Variants in ITIH5 observed in about 807,000 individuals in gnomAD.
The protein encoded by ITIH5 is inter-alpha-trypsin inhibitor heavy chain 5, also known as inter-alpha-trypsin inhibitor heavy chain H5.
ITIH5 carries 65 observed loss-of-function variants against 77.5 expected under a neutral mutation model. That is an observed-to-expected ratio of 0.84 (90% confidence interval 0.69 to 1.03). The LOEUF is 1.03. ITIH5 is among the 50% of genes least tolerant of loss of function. ITIH5 has a pLI of 0.00. For missense variants in ITIH5, 1,208 were observed against 1,213.1 expected, an observed-to-expected ratio of 1.00 and a Z score of 0.06; for synonymous variants, 525 against 494.3, an observed-to-expected ratio of 1.06 and a Z score of -0.82.
intron 8 of ITIH5, 34 bp downstream of exon 8, chr10:7,585,867 C>G (rs755367388): frequency 1.3e-6 from 2 of 1,522,912 alleles, no homozygotes; most frequent in East Asian, 2.3e-5. Context: ...TATTTCAAAG[C>G]CAAGCCAATG....
intron 2 of ITIH5, among the ~76,000 whole-genome samples, chr10:7,648,784 T>C (rs1834046185): frequency 6.6e-6 from 1 of 152,184 alleles, no homozygotes; most frequent in African/African-American, 2.4e-5. Context: ...AGAAGATACC[T>C]GACAATATTA....
At chr10:7,646,031 T>G in intron 2 of ITIH5, among the ~76,000 whole-genome samples, 1 of 152,218 alleles carries the variant, frequency 6.6e-6, no homozygotes, top group East Asian at 1.9e-4. Context: ...CTGGAACAGG[T>G]TTTCTTTCTA....
chr10:7,563,784 G>A (rs1832086848), intron 13 of ITIH5, among the ~76,000 whole-genome samples: 1 of 152,228 alleles, frequency 6.6e-6, no homozygotes, highest in Non-Finnish European at 1.5e-5. Context: ...TGCCGGGTGG[G>A]GGTGGAAAGC....
In ITIH5 at chr10:7,640,863, A is replaced by T. The variant is rs777449464; in HGVS notation, c.300-8T>A. Reference sequence around the variant, plus strand: ...ACCTTGTCTCCAATAAGCCTGAAATACAAGAGACAGTTGTGCTACCAGCTT... The same window carrying T: ...ACCTTGTCTCCAATAAGCCTGAAATTCAAGAGACAGTTGTGCTACCAGCTT... On this transcript the variant is annotated splice_region_variant and splice_polypyrimidine_tract_variant and intron_variant, in intron 3 of 13. Coordinates refer to ENST00000397146, the MANE Select transcript of ITIH5 (RefSeq NM_030569.7). 6.3e-7 allele frequency: 1 copy of T among 1,585,420 alleles called. No individual in the cohort carries two copies. The highest frequency in any genetic ancestry group is 1.7e-5 in the Admixed American group (1 of 59,914).
intron 2 of ITIH5, among the ~76,000 whole-genome samples, chr10:7,644,051 G>A (rs1406081107): frequency 2.6e-5 from 4 of 152,082 alleles, no homozygotes; most frequent in Non-Finnish European, 4.4e-5. Context: ...GACCAGTCTG[G>A]CCAACATGGT....
rs1361895193 is a variant in ITIH5 at position 7,573,514 on chromosome 10, T to A, written c.1979-319A>T. Among the ~76,000 whole-genome samples, 12 of 147,404 alleles carry A rather than the reference T, an allele frequency of 8.1e-5. 1 individual carries two copies. Among genetic ancestry groups the A allele is most frequent in the Admixed American group, 3.4e-4 (5 of 14,830 alleles). On this transcript the variant is annotated intron_variant, in intron 10 of 13. Coordinates refer to ENST00000397146, the MANE Select transcript of ITIH5 (RefSeq NM_030569.7). ...AGACCCTGTCTCTACAAAAAAAAAA[T>A]AAATAAATAAAATTAACCCAACAAG... is the stretch of plus-strand genomic sequence containing the variant.
At chr10:7,656,436 T>A (rs1375525473) in intron 1 of ITIH5, among the ~76,000 whole-genome samples, 2 of 152,266 alleles carry the variant, frequency 1.3e-5, no homozygotes, top group East Asian at 3.9e-4. Context: ...GTTGATCTCA[T>A]ACTCCTGGGT....
At chr10:7,624,831 ATACATG>A (rs1413106822) in intron 5 of ITIH5, among the ~76,000 whole-genome samples, 2 of 139,104 alleles carry the variant, frequency 1.4e-5, no homozygotes, top group East Asian at 4.1e-4. Flanking sequence ...ATATGTGTAT[ATACATG>A]TATATACACA....
chr10:7,592,719 T>A (rs555789032), intron 7 of ITIH5, among the ~76,000 whole-genome samples: 37 of 152,316 alleles, frequency 2.4e-4, no homozygotes, highest in African/African-American at 8.9e-4. Context: ...AGGGGCGGCC[T>A]CAGCCAGGGT....
At chr10:7,620,917 C>T (rs560213990) in intron 5 of ITIH5, 2 of 152,208 alleles carry the variant, frequency 1.3e-5, no homozygotes, top group South Asian at 2.1e-4. Context: ...TAATCCCCCC[C>T]ACGAGGGTGT....
Position 7,580,018 on chromosome 10 carries a change from G to T in ITIH5, c.1155C>A (p.Asn385Lys). ...GALQRAIRLL[N>K]KYVAHSGIGD... is the part of the protein sequence containing the mutation. The stretch of plus-strand genomic sequence containing the variant: ...CAATGCCACTGTGGGCCACGTACTT[G>T]TTGAGGAGCCTGATGGCCCTCTGCA... Residue 385 changes from asparagine to lysine, a missense_variant, in exon 9 of 14, where the codon AAC becomes AAA. By Grantham distance (94) the Asn-to-Lys change is moderately conservative (BLOSUM62 0). Transcript: ENST00000397146. The T allele has an allele frequency of 6.2e-7, 1 of 1,613,124 alleles. No homozygotes were observed. The highest frequency in any genetic ancestry group is 8.5e-7 in the Non-Finnish European group (1 of 1,179,786).
intron 5 of ITIH5, among the ~76,000 whole-genome samples, chr10:7,624,324 A>G (rs1398312189): frequency 6.6e-6 from 1 of 151,118 alleles, no homozygotes; most frequent in Admixed American, 6.6e-5. Flanking sequence ...CCTGACCAAC[A>G]TGGAGAAACC....
At chr10:7,628,136 C>T (rs536918789) in intron 5 of ITIH5, among the ~76,000 whole-genome samples, 1 of 152,274 alleles carries the variant, frequency 6.6e-6, no homozygotes, top group Non-Finnish European at 1.5e-5. Context: ...CCACCATGCC[C>T]AGCCAAAATT....
intron 2 of ITIH5, 124 bp downstream of exon 2, chr10:7,655,507 T>C: frequency 1.4e-6 from 1 of 737,320 alleles, no homozygotes; most frequent in East Asian, 2.5e-5. Flanking sequence ...CTGTTTCATC[T>C]CAGAATTTTT....
chr10:7,574,320 CA>C (rs1433653662), intron 10 of ITIH5, among the ~76,000 whole-genome samples: 2 of 152,144 alleles, frequency 1.3e-5, no homozygotes, highest in Non-Finnish European at 2.9e-5. Context: ...ACTCCCTTCT[CA>C]ATACTGGTCT....
chr10:7,626,386 A>T (rs1280722082), intron 5 of ITIH5, among the ~76,000 whole-genome samples: 1 of 152,268 alleles, frequency 6.6e-6, no homozygotes, highest in Non-Finnish European at 1.5e-5. Flanking sequence ...GGATTTTCAT[A>T]TTGGATTAAA....
chr10:7,567,510 C>T (rs975502636), intron 12 of ITIH5, among the ~76,000 whole-genome samples: 3 of 147,766 alleles, frequency 2.0e-5, no homozygotes, highest in African/African-American at 7.5e-5. Context: ...CACGACAGGC[C>T]CTGGTATGTG....
chr10:7,664,525 A>G (rs1042106467), intron 1 of ITIH5, among the ~76,000 whole-genome samples: 36 of 152,304 alleles, frequency 2.4e-4, no homozygotes, highest in African/African-American at 8.7e-4. Flanking sequence ...TGTTTAATGA[A>G]CACCCCAAGT....
intron 7 of ITIH5, among the ~76,000 whole-genome samples, chr10:7,608,017 G>A (rs974553326): frequency 6.6e-6 from 1 of 152,190 alleles, no homozygotes; most frequent in Non-Finnish European, 1.5e-5. Context: ...AGGTGGACCC[G>A]ACGCTCTCTG....
Sources: allele counts gnomAD v4.1 joint callset (sites outside exome capture counted in the v4.1 genomes callset), GRCh38; gene constraint gnomAD v4.1.1; transcripts MANE v1.5; gene names NCBI Gene and HGNC (gene_info 2026-07-23, HGNC 2026-07-21).